The following PRDM5 variants were observed in gnomAD, a reference collection of about 807,000 sequenced individuals.
PRDM5 encodes the protein PR/SET domain 5.
Under a neutral mutation model 81.2 loss-of-function variants are expected in PRDM5, and 56 were observed. That is an observed-to-expected ratio of 0.69 (90% CI 0.56 to 0.86). The LOEUF (loss-of-function observed/expected upper bound fraction) is 0.86. Ranked by LOEUF, PRDM5 falls within the 40% of genes least tolerant of loss-of-function variation. The probability of loss-of-function intolerance (pLI) is 0.00; values close to 1 mark genes in which losing one functional copy is unlikely to be tolerated. For synonymous variants in PRDM5, 267 were observed against 256.4 expected (o/e 1.04, Z -0.39); for missense variants, 697 against 770.1 (o/e 0.91, Z 1.12).
chr4:120,918,247 G>A (rs1724448498), intron 1 of PRDM5, among the ~76,000 whole-genome samples: 2 of 152,232 alleles, frequency 1.3e-5, no homozygotes, highest in Non-Finnish European at 2.9e-5. Flanking sequence ...CTATGGAGAA[G>A]TGTGAATGTG....
At chr4:120,691,080 A>G (rs1031974054), downstream of PRDM5, among the ~76,000 whole-genome samples, 3 of 152,148 alleles carry the variant, frequency 2.0e-5, no homozygotes, top group African/African-American at 4.8e-5. Context: ...ATATTTTCTA[A>G]CTAAATATGA....
chr4:120,759,567 T>G (rs994975288), intron 13 of PRDM5, among the ~76,000 whole-genome samples: 1 of 152,250 alleles, frequency 6.6e-6, no homozygotes, highest in Non-Finnish European at 1.5e-5. Context: ...GCATATGATA[T>G]TTGCCTTCAT....
intron 3 of PRDM5, among the ~76,000 whole-genome samples, chr4:120,834,728 G>A (rs1203336764): frequency 2.6e-5 from 4 of 152,216 alleles, no homozygotes; most frequent in Admixed American, 2.6e-4. Flanking sequence ...AAAAGTGTAG[G>A]TGGGCCTCAT....
In PRDM5 at chr4:120,793,293, G is replaced by T. The variant is rs145160591; in HGVS notation, c.1188+4974C>A. 6.0e-3 allele frequency among the ~76,000 whole-genome samples: 911 copies of T among 152,250 alleles called. 11 individuals carry two copies. The highest frequency in any genetic ancestry group is 0.021 in the African/African-American group (866 of 41,540). On this transcript the variant is annotated intron_variant, in intron 10 of 15. Coordinates refer to ENST00000264808, the MANE Select transcript of PRDM5 (RefSeq NM_018699.4). The stretch of plus-strand genomic sequence containing the variant: ...TCCTTATGAGAATCTAATGCCTGAT[G>T]ATCTGTCACTGTCTCTCATCACCCC...
intron 8 of PRDM5, among the ~76,000 whole-genome samples, chr4:120,809,892 A>G (rs1345006648): frequency 6.6e-6 from 1 of 152,194 alleles, no homozygotes; most frequent in Non-Finnish European, 1.5e-5. Context: ...GGCATGAGTT[A>G]TAGTTTCTGT....
chr4:120,910,612 T>C (rs1418800100), intron 1 of PRDM5, among the ~76,000 whole-genome samples: 1 of 152,204 alleles, frequency 6.6e-6, no homozygotes, highest in African/African-American at 2.4e-5. Flanking sequence ...GGGCAGCACA[T>C]CTATGAAAGG....
intron 2 of PRDM5, among the ~76,000 whole-genome samples, chr4:120,859,598 T>C (rs552675652): frequency 6.6e-6 from 1 of 152,178 alleles, no homozygotes; most frequent in Admixed American, 6.5e-5. Flanking sequence ...CTTAACACTA[T>C]TATTCAAATC....
chr4:120,810,958 A>G (rs995596404), intron 8 of PRDM5, among the ~76,000 whole-genome samples: 2 of 152,200 alleles, frequency 1.3e-5, no homozygotes, highest in Non-Finnish European at 2.9e-5. Context: ...ACATCTATAT[A>G]TAAACAGAAA....
intron 2 of PRDM5, among the ~76,000 whole-genome samples, chr4:120,903,982 G>A (rs1379731047): frequency 6.6e-6 from 1 of 151,784 alleles, no homozygotes; most frequent in South Asian, 2.1e-4. Flanking sequence ...TTCAGGTCAG[G>A]AATTCAAGAC....
intron 14 of PRDM5, among the ~76,000 whole-genome samples, chr4:120,734,718 A>G (rs778324933): frequency 1.2e-4 from 18 of 152,058 alleles, no homozygotes; most frequent in Non-Finnish European, 2.4e-4. Flanking sequence ...TCTGGGGCTT[A>G]GCCACTTTTT....
chr4:120,838,887 G>T, intron 3 of PRDM5: 1 of 291,692 alleles, frequency 3.4e-6, no homozygotes, highest in African/African-American at 2.1e-5. Flanking sequence ...GCATGGAGCG[G>T]CAAGGGGTGT....
intron 13 of PRDM5, among the ~76,000 whole-genome samples, chr4:120,756,133 T>G (rs937834135): frequency 2.6e-5 from 4 of 152,192 alleles, no homozygotes; most frequent in Non-Finnish European, 5.9e-5. Context: ...GGACAAAGGC[T>G]TGGCAACATC....
chr4:120,685,727 ATC>A (rs1252295937), intron 1 of PRDM5, among the ~76,000 whole-genome samples: 7 of 152,196 alleles, frequency 4.6e-5, no homozygotes, highest in East Asian at 3.9e-4. Context: ...ATACTATTAA[ATC>A]TGTTTTGTTT....
At chr4:120,846,281 T>C (rs1358405810) in intron 3 of PRDM5, among the ~76,000 whole-genome samples, 1 of 152,186 alleles carries the variant, frequency 6.6e-6, no homozygotes, top group Non-Finnish European at 1.5e-5. Flanking sequence ...AAGCAAAGCA[T>C]GCTACACAGA....
In PRDM5 at chr4:120,922,637, C is replaced by T; in HGVS notation, c.-29G>A. ...CCCGGGCGCGGCGGCCGCCGCCTCT[C>T]TCAACACCGGCGCTTAGCGCCCGGC... On this transcript the variant is annotated 5_prime_UTR_variant, in exon 1 of 16. Coordinates refer to ENST00000264808, the MANE Select transcript of PRDM5 (RefSeq NM_018699.4). The T allele has an allele frequency of 1.3e-6, 2 of 1,579,262 alleles. No homozygotes were observed. Among genetic ancestry groups the T allele is most frequent in the Non-Finnish European group, 1.7e-6 (2 of 1,163,462 alleles).
chr4:120,721,281 C>G (rs1298872372), intron 14 of PRDM5, among the ~76,000 whole-genome samples: 1 of 152,154 alleles, frequency 6.6e-6, no homozygotes, highest in Non-Finnish European at 1.5e-5. Context: ...GACTTCAACC[C>G]TGCCTGCACA....
At chr4:120,780,611 T>A (rs1322779160) in intron 12 of PRDM5, among the ~76,000 whole-genome samples, 2 of 152,066 alleles carry the variant, frequency 1.3e-5, no homozygotes, top group Non-Finnish European at 1.5e-5. Flanking sequence ...CAAAAAAATC[T>A]CCAAATCACT....
chr4:120,891,966 A>G (rs183556150), intron 2 of PRDM5, among the ~76,000 whole-genome samples: 114 of 152,298 alleles, frequency 7.5e-4, no homozygotes, highest in Admixed American at 1.4e-3. Flanking sequence ...GTTCACTCTT[A>G]ACACTGCTTT....
At position 120,842,305 on chromosome 4, in the gene PRDM5, G is replaced by A. The variant is rs185200890; in HGVS notation, c.300+11113C>T. Among the ~76,000 whole-genome samples the A allele has an allele frequency of 3.9e-5, 6 of 152,200 alleles. No individual in the cohort carries two copies. The East Asian group carries it at 7.7e-4, about 20-fold the overall frequency. ...TGACACTTTGCCAGACCAAATACTC[G>A]CATGCACATATATTTCAGGCCAGAG... On this transcript the variant is annotated intron_variant, in intron 3 of 15. Transcript: ENST00000264808.
Sources: allele counts gnomAD v4.1 joint callset (sites outside exome capture counted in the v4.1 genomes callset), GRCh38; gene constraint gnomAD v4.1.1; transcripts MANE v1.5; gene names NCBI Gene and HGNC (gene_info 2026-07-23, HGNC 2026-07-21).